The following TPP2 variants were observed in gnomAD, a reference collection of about 807,000 sequenced individuals.
TPP2 encodes the protein tripeptidyl peptidase 2.
Under a neutral mutation model 155.9 loss-of-function variants are expected in TPP2, and 34 were observed. The ratio of observed to expected loss-of-function variants is 0.22; its 90% CI spans 0.17 to 0.29. TPP2 has a LOEUF of 0.29. Ranked by LOEUF, TPP2 falls within the 10% of genes least tolerant of loss-of-function variation. The pLI is 1.00. For missense variants in TPP2, 1,028 were observed against 1,522.3 expected (o/e 0.68, Z 5.40); for synonymous variants, 510 against 529.4 (o/e 0.96, Z 0.50).
At chr13:102,675,639 A>G (rs1255125368) in intron 28 of TPP2, among the ~76,000 whole-genome samples, 2 of 152,216 alleles carry the variant, frequency 1.3e-5, no homozygotes, top group Admixed American at 1.3e-4. Context: ...CTTGATGAAC[A>G]TATAATAAAA....
chr13:102,641,500 A>G (rs1882767626), intron 16 of TPP2, among the ~76,000 whole-genome samples: 1 of 152,194 alleles, frequency 6.6e-6, no homozygotes, highest in South Asian at 2.1e-4. Context: ...CTTGTATGAA[A>G]GTACAGATAT....
intron 28 of TPP2, 53 bp downstream of exon 28, chr13:102,674,543 C>T (rs770763836): frequency 1.8e-5 from 28 of 1,565,442 alleles, no homozygotes; most frequent in African/African-American, 2.7e-5. Flanking sequence ...CCTCACAGAC[C>T]TCTCTTGTGC....
chr13:102,632,869 G>A (rs905295462), intron 10 of TPP2, among the ~76,000 whole-genome samples: 10 of 152,132 alleles, frequency 6.6e-5, no homozygotes, highest in African/African-American at 2.2e-4. Flanking sequence ...TTGTTATTCA[G>A]TATTACATTG....
intron 24 of TPP2, 161 bp from the exon 25 acceptor site, chr13:102,656,895 A>G (rs1883893226): frequency 3.5e-6 from 2 of 563,466 alleles, no homozygotes; most frequent in Non-Finnish European, 5.8e-6. Flanking sequence ...TACTGTGACC[A>G]GAGATTGGAA....
intron 1 of TPP2, among the ~76,000 whole-genome samples, chr13:102,597,579 C>A (rs1295569894): frequency 6.6e-6 from 1 of 152,000 alleles, no homozygotes; most frequent in Non-Finnish European, 1.5e-5. Flanking sequence ...CCCCAGGCTC[C>A]TTCCCTCCAC....
At chr13:102,628,750 C>A (rs1340965208) in intron 8 of TPP2, among the ~76,000 whole-genome samples, 1 of 152,198 alleles carries the variant, frequency 6.6e-6, no homozygotes, top group African/African-American at 2.4e-5. Flanking sequence ...GTCCTCGTAA[C>A]ATGCACCCTG....
In TPP2 at chr13:102,618,781, G is replaced by A. The variant is rs762540659; in HGVS notation, c.555G>A (p.Glu185=). 2.5e-6 allele frequency: 4 copies of A among 1,613,982 alleles called. No homozygotes were observed. The South Asian group carries it at 3.3e-5, about 13-fold the overall frequency. ...QSQVELLNSF[E]KKYSDPGPVY... is the part of the protein sequence containing the mutation. ...AAGTGGAATTGCTAAATTCTTTTGA[G>A]AAGAAATACAGCGATCCTGGCCCTG... The change falls in exon 5 of 30, where the codon GAG becomes GAA. Residue 185 remains glutamate (E), a synonymous_variant. Coordinates refer to ENST00000376052, the MANE Select transcript of TPP2 (RefSeq NM_001330588.2).
At chr13:102,676,817 A>C (rs906870009) in intron 29 of TPP2, among the ~76,000 whole-genome samples, 1 of 152,222 alleles carries the variant, frequency 6.6e-6, no homozygotes, top group South Asian at 2.1e-4. Flanking sequence ...AGGCATTTTT[A>C]AAATTATCTT....
Position 102,616,911 on chromosome 13 carries a change from G to GT in TPP2, c.495+417dup, listed in dbSNP as rs111970507. ...ACCATATAGTATGGTTTTGTTTTTT[G>GT]TTTTTTGTTTTTTTTTTTTGAGACG... On this transcript the variant is annotated intron_variant, in intron 4 of 29. Transcript: ENST00000376052. Among the ~76,000 whole-genome samples, 745 of 148,958 alleles carry GT rather than the reference G, an allele frequency of 5.0e-3. 7 individuals carry two copies. The highest frequency in any genetic ancestry group is 0.018 in the African/African-American group (709 of 40,080).
chr13:102,673,996 A>AT lies in TPP2; in HGVS notation c.3372-284dup, dbSNP rs1353425235. ...GATTAAGAGTTATATAGCTAAAAAA[A>AT]TTTAGAATAGTGATTAACCTTTCAA... On this transcript the variant is annotated intron_variant, in intron 27 of 29. Transcript: ENST00000376052. 2.0e-5 allele frequency among the ~76,000 whole-genome samples: 3 copies of AT among 152,216 alleles called. No individual in the cohort carries two copies. In the East Asian group the frequency reaches 5.8e-4, roughly 29 times the overall value.
In TPP2 at chr13:102,600,628, T is replaced by C. The variant is rs1239070720; in HGVS notation, c.165+3425T>C. ...TCTTTGAAAGCATGTATCAAAATTG[T>C]ATGACATGTGCTTGTAATGTTAAAT... On this transcript the variant is annotated intron_variant, in intron 1 of 29. Transcript: ENST00000376052. 2.0e-5 allele frequency among the ~76,000 whole-genome samples: 3 copies of C among 152,338 alleles called. No individual in the cohort carries two copies. In the East Asian group the frequency reaches 5.8e-4, roughly 29 times the overall value.
intron 25 of TPP2, among the ~76,000 whole-genome samples, chr13:102,661,818 G>T (rs933936045): frequency 6.6e-6 from 1 of 152,178 alleles, no homozygotes; most frequent in African/African-American, 2.4e-5. Flanking sequence ...CTCAGACACT[G>T]ATGGTAAGAA....
chr13:102,673,099 G>T (rs901911073), intron 27 of TPP2, among the ~76,000 whole-genome samples: 3 of 152,138 alleles, frequency 2.0e-5, no homozygotes, highest in Non-Finnish European at 4.4e-5. Flanking sequence ...GAATACCCCG[G>T]TCTTGGGCAA....
chr13:102,638,832 ATCAGTGGCACC>A (rs1217848517), intron 15 of TPP2, among the ~76,000 whole-genome samples: 1 of 152,228 alleles, frequency 6.6e-6, no homozygotes, highest in Non-Finnish European at 1.5e-5. Context: ...CTTAAAGTAT[ATCAGTGGCACC>A]TCCAAAGGTC....
chr13:102,599,845 A>G (rs1379820559), intron 1 of TPP2, among the ~76,000 whole-genome samples: 2 of 152,158 alleles, frequency 1.3e-5, no homozygotes, highest in African/African-American at 4.8e-5. Context: ...TTGGCCAGTA[A>G]GAGCTGGACT....
At position 102,678,379 on chromosome 13, in the gene TPP2, A is replaced by G. The variant is rs1885421552; in HGVS notation, c.*63A>G. On this transcript the variant is annotated 3_prime_UTR_variant, in exon 30 of 30. Coordinates refer to ENST00000376052, the MANE Select transcript of TPP2 (RefSeq NM_001330588.2). ...TTTATAGTGAATGGGTATAAAAACA[A>G]ATTTGTGGCATTTTTAGTCTAATGC... 6.9e-7 allele frequency: 1 copy of G among 1,448,054 alleles called. No individual in the cohort carries two copies. The highest frequency in any genetic ancestry group is 2.3e-5 in the East Asian group (1 of 43,482). The allele number at this position is 1,448,054 out of a possible 1,614,324, so 89.7% of individuals were successfully genotyped here. A position where few individuals can be genotyped will look rare whatever the true frequency, so the allele number is the denominator to read the frequency against.
chr13:102,598,899 G>A (rs1879210543), intron 1 of TPP2, among the ~76,000 whole-genome samples: 2 of 152,154 alleles, frequency 1.3e-5, no homozygotes, highest in African/African-American at 4.8e-5. Context: ...AAATGCTCAA[G>A]AAAAATATTA....
rs1885455626 is a variant in TPP2, at chr13:102,678,809, T to C, written c.*493T>C. 6.6e-6 allele frequency: 1 copy of C among 151,836 alleles called. No homozygotes were observed. The highest frequency in any genetic ancestry group is 2.4e-5 in the African/African-American group (1 of 41,240). The allele number at this position is 151,836 out of a possible 1,614,324, so 9.4% of individuals were successfully genotyped here. On this transcript the variant is annotated 3_prime_UTR_variant, in exon 30 of 30. Transcript: ENST00000376052. ...ATTTCCAGAATTTTTTTTTTTTTTTTTTTTTTTTGGCAAATGTTTACATTC... is the reference window on the plus strand; with the variant it reads ...ATTTCCAGAATTTTTTTTTTTTTTTCTTTTTTTTGGCAAATGTTTACATTC...
chr13:102,633,499 T>G (rs1476276937), intron 10 of TPP2, among the ~76,000 whole-genome samples: 1 of 152,202 alleles, frequency 6.6e-6, no homozygotes, highest in Admixed American at 6.5e-5. Flanking sequence ...CTTGTTAGCT[T>G]TTTTTAAGTG....
Sources: allele counts gnomAD v4.1 joint callset (sites outside exome capture counted in the v4.1 genomes callset), GRCh38; gene constraint gnomAD v4.1.1; transcripts MANE v1.5; gene names NCBI Gene and HGNC (gene_info 2026-07-23, HGNC 2026-07-21).